HYCC2: variants seen among roughly 807,000 people sequenced by gnomAD.
The protein encoded by HYCC2 is hyccin PI4KA lipid kinase complex subunit 2.
the HYCC2 span, among the ~76,000 whole-genome samples, chr2:201,056,377 T>C: frequency 6.6e-6 from 1 of 152,044 alleles, no homozygotes. Flanking sequence ...AAGGTAGCAG[T>C]ATAAGATGCT....
At chr2:201,015,037 A>G in the HYCC2 span, among the ~76,000 whole-genome samples, 1 of 152,116 alleles carries the variant, frequency 6.6e-6, no homozygotes, top group Non-Finnish European at 1.5e-5. Flanking sequence ...TGGTTTCTCA[A>G]TTGCTACCCC....
At chr2:201,027,552 G>A in the HYCC2 span, among the ~76,000 whole-genome samples, 8 of 152,248 alleles carry the variant, frequency 5.3e-5, no homozygotes, top group African/African-American at 1.7e-4. Flanking sequence ...GAACATCGAT[G>A]CAAAAATCCT....
the HYCC2 span, among the ~76,000 whole-genome samples, chr2:201,034,637 G>T: frequency 1.3e-5 from 2 of 152,186 alleles, no homozygotes. Flanking sequence ...GTGTGAATTT[G>T]ATCCTGTCAT....
chr2:201,055,282 C>A, the HYCC2 span, among the ~76,000 whole-genome samples: 1 of 151,546 alleles, frequency 6.6e-6, no homozygotes, highest in Admixed American at 6.6e-5. Flanking sequence ...TGTTGTCCAA[C>A]CATCACCATA....
chr2:201,005,102 T>C, the HYCC2 span, among the ~76,000 whole-genome samples: 15 of 150,582 alleles, frequency 1.0e-4, no homozygotes, highest in African/African-American at 3.7e-4. Flanking sequence ...TTGCGTGGAA[T>C]GAAAGCAATT....
chr2:201,040,830 T>C, the HYCC2 span, among the ~76,000 whole-genome samples: 1 of 152,196 alleles, frequency 6.6e-6, no homozygotes, highest in African/African-American at 2.4e-5. Context: ...AACCTCACTG[T>C]ATATTTATGA....
At chr2:201,009,073 A>C in the HYCC2 span, 1 of 1,612,444 alleles carries the variant, frequency 6.2e-7, no homozygotes, top group Non-Finnish European at 8.5e-7. Context: ...AAAGCCATGG[A>C]TCCAATTGTT....
the HYCC2 span, among the ~76,000 whole-genome samples, chr2:201,035,926 G>A: frequency 2.6e-5 from 4 of 152,120 alleles, no homozygotes. Context: ...GGATATTGGT[G>A]AACAGCAAAT....
the HYCC2 span, chr2:200,978,399 TG>T: frequency 1.3e-5 from 2 of 151,282 alleles, no homozygotes; most frequent in Admixed American, 6.6e-5. Context: ...AATGTTAATG[TG>T]GGTATGTATA....
the HYCC2 span, among the ~76,000 whole-genome samples, chr2:200,993,159 G>C: frequency 1.4e-4 from 22 of 152,140 alleles, no homozygotes; most frequent in Admixed American, 2.6e-4. Context: ...GCATACAGTT[G>C]TGAACAGGTG....
the HYCC2 span, among the ~76,000 whole-genome samples, chr2:201,048,195 TAAAG>T: frequency 1.3e-5 from 2 of 151,986 alleles, no homozygotes; most frequent in African/African-American, 4.8e-5. Context: ...TGTAAAAAGT[TAAAG>T]AAGGAAGTTG....
chr2:201,034,919 G>C, the HYCC2 span, among the ~76,000 whole-genome samples: 1 of 152,146 alleles, frequency 6.6e-6, no homozygotes, highest in African/African-American at 2.4e-5. Flanking sequence ...TAAGAATGTT[G>C]AATATTGGCC....
chr2:200,989,758 G>A, the HYCC2 span, among the ~76,000 whole-genome samples: 3 of 152,184 alleles, frequency 2.0e-5, no homozygotes, highest in Middle Eastern at 3.2e-3. Context: ...ATGTTACAGT[G>A]AACTGTGATC....
chr2:201,006,409 G>A, the HYCC2 span, among the ~76,000 whole-genome samples: 5 of 151,602 alleles, frequency 3.3e-5, no homozygotes, highest in Non-Finnish European at 7.4e-5. Context: ...CCAAAGTGCT[G>A]GGATTACAGG....
the HYCC2 span, among the ~76,000 whole-genome samples, chr2:201,021,056 T>TGTACAG: frequency 6.6e-6 from 1 of 152,146 alleles, no homozygotes; most frequent in Non-Finnish European, 1.5e-5. Context: ...CGTGAGACAC[T>TGTACAG]GCGCCGGCAA....
At chr2:200,988,015 T>C in the HYCC2 span, among the ~76,000 whole-genome samples, 1 of 152,106 alleles carries the variant, frequency 6.6e-6, no homozygotes, top group Non-Finnish European at 1.5e-5. Context: ...CTTATTTAGT[T>C]CAAAAAAAGA....
the HYCC2 span, chr2:201,063,733 C>T: frequency 2.5e-6 from 4 of 1,583,910 alleles, no homozygotes; most frequent in African/African-American, 5.4e-5. Context: ...GGAATGACAA[C>T]TTTGGTCATG....
At chr2:201,012,064 T>C in the HYCC2 span, among the ~76,000 whole-genome samples, 4 of 152,186 alleles carry the variant, frequency 2.6e-5, no homozygotes. Context: ...CTCATAGTTA[T>C]CCCTTTTTTT....
chr2:201,063,101 G>A, the HYCC2 span: 7 of 1,609,524 alleles, frequency 4.3e-6, no homozygotes, highest in South Asian at 6.6e-5. Context: ...GTCTAAGTCA[G>A]AGTCTCCTAA....
Sources: allele counts gnomAD v4.1 joint callset (sites outside exome capture counted in the v4.1 genomes callset), GRCh38; gene constraint gnomAD v4.1.1; transcripts MANE v1.5; gene names NCBI Gene and HGNC (gene_info 2026-07-23, HGNC 2026-07-21).